CAMKK2: variants seen among roughly 807,000 people sequenced by gnomAD.
CAMKK2 encodes calcium/calmodulin dependent protein kinase kinase 2.
A neutral mutation model predicts 67.2 loss-of-function variants in CAMKK2; 30 were observed. The ratio of observed to expected loss-of-function variants is 0.45; its 90% CI spans 0.33 to 0.61. The LOEUF (loss-of-function observed/expected upper bound fraction) is 0.61. CAMKK2 is among the 20% of genes least tolerant of loss of function. The probability of loss-of-function intolerance (pLI) is 0.02; values close to 1 mark genes in which losing one functional copy is unlikely to be tolerated. For missense variants in CAMKK2, 643 were observed against 802.0 expected (o/e 0.80, Z 2.39); for synonymous variants, 322 against 326.2 (o/e 0.99, Z 0.14).
intron 4 of CAMKK2, among the ~76,000 whole-genome samples, chr12:121,268,954 C>T (rs1895185659): frequency 6.6e-6 from 1 of 152,112 alleles, no homozygotes; most frequent in Non-Finnish European, 1.5e-5. Context: ...GCTGGGAAAC[C>T]ACGAGCCTCA....
intron 7 of CAMKK2, among the ~76,000 whole-genome samples, chr12:121,259,726 A>G (rs900237384): frequency 1.7e-4 from 26 of 152,094 alleles, no homozygotes; most frequent in African/African-American, 6.3e-4. Flanking sequence ...GGTGCTGGTT[A>G]TAGTTTTTCC....
chr12:121,286,576 C>T (rs1192956137), intron 1 of CAMKK2, among the ~76,000 whole-genome samples: 2 of 152,200 alleles, frequency 1.3e-5, no homozygotes, highest in Admixed American at 1.3e-4. Context: ...CAGGGTCTCA[C>T]TCTGTCACCC....
rs1012859115 is a variant in CAMKK2 at position 121,245,676 on chromosome 12, G to A, written c.1453-436C>T. Among the ~76,000 whole-genome samples, 4 of 152,192 alleles carry A rather than the reference G, an allele frequency of 2.6e-5. No individual in the cohort carries two copies. The highest frequency in any genetic ancestry group is 5.9e-5 in the Non-Finnish European group (4 of 68,034). The stretch of plus-strand genomic sequence containing the variant: ...GATGCTCTTGGCTGCCATTTCCCAT[G>A]AAGGGAATGGCCTGAGGGCCCCATA... On this transcript the variant is annotated intron_variant, in intron 14 of 16. Transcript: ENST00000404169. The surrounding 1 kb of genome is among the most constrained non-coding windows in gnomAD (Gnocchi z 5.8).
In CAMKK2 at chr12:121,245,572, G is replaced by A. The variant is rs1889286301; in HGVS notation, c.1453-332C>T. 3.3e-5 allele frequency among the ~76,000 whole-genome samples: 5 copies of A among 152,114 alleles called. No homozygotes were observed. Among genetic ancestry groups the A allele is most frequent in the African/African-American group, 4.8e-5 (2 of 41,436 alleles). On this transcript the variant is annotated intron_variant, in intron 14 of 16. Transcript: ENST00000404169. This position sits in a 1 kb window ranked among gnomAD's most constrained non-coding sequence, Gnocchi z 5.8. ...CCTGACTCAGCATCCCCACCCAGAG[G>A]GGTCTGGAACTTGGCCTGTGGTCAG...
chr12:121,280,841 T>A (rs911391706), intron 1 of CAMKK2, among the ~76,000 whole-genome samples: 4 of 152,190 alleles, frequency 2.6e-5, no homozygotes, highest in Admixed American at 6.6e-5. Context: ...CCTGATAAGA[T>A]GTTATCAATG....
chr12:121,252,290 C>T (rs2668249), intron 11 of CAMKK2, among the ~76,000 whole-genome samples: 32,533 of 152,108 alleles, frequency 0.21, 3,952 homozygotes, highest in Non-Finnish European at 0.28. Context: ...TTTTTTGAGA[C>T]GGAGTCTCGC....
intron 5 of CAMKK2, among the ~76,000 whole-genome samples, chr12:121,265,525 G>A (rs1593383060): frequency 3.3e-5 from 5 of 152,298 alleles, no homozygotes; most frequent in Admixed American, 3.3e-4. Flanking sequence ...TTTGGGAGAA[G>A]AGTAGGTCAC....
At chr12:121,243,645 G>C (rs1888818778) in intron 16 of CAMKK2, 1 of 173,150 alleles carries the variant, frequency 5.8e-6, no homozygotes. Flanking sequence ...TACCTATTCT[G>C]AGTGGTTACT....
rs1898584799 is a variant in CAMKK2, at chr12:121,285,615, C to A, written c.-60+11023G>T. ...CTTGAGCCCAGGAGTTTGAGACCAG[C>A]CTGGGCAACATGGCGAGACCTCATC... On this transcript the variant is annotated intron_variant, in intron 1 of 16. Transcript: ENST00000404169. This position sits in a 1 kb window ranked among gnomAD's most constrained non-coding sequence, Gnocchi z 4.1. Among the ~76,000 whole-genome samples the A allele has an allele frequency of 6.6e-6, 1 of 152,084 alleles. No individual in the cohort carries two copies. The highest frequency in any genetic ancestry group is 1.5e-5 in the Non-Finnish European group (1 of 68,022).
intron 9 of CAMKK2, among the ~76,000 whole-genome samples, chr12:121,254,743 G>A (rs1250689568): frequency 6.6e-6 from 1 of 152,218 alleles, no homozygotes; most frequent in Non-Finnish European, 1.5e-5. Context: ...GCAGGAAGAA[G>A]GGTTTTGGCT....
At chr12:121,252,266 C>G (rs899800356) in intron 11 of CAMKK2, among the ~76,000 whole-genome samples, 2 of 152,134 alleles carry the variant, frequency 1.3e-5, no homozygotes, top group Non-Finnish European at 2.9e-5. Context: ...TAAAATAACT[C>G]TTCTCTTATT....
rs530917021 is a variant in CAMKK2 at position 121,290,861 on chromosome 12, C to T, written c.-60+5777G>A. 7.9e-5 allele frequency among the ~76,000 whole-genome samples: 12 copies of T among 152,320 alleles called. 1 individual carries two copies. In the South Asian group the frequency reaches 2.5e-3, roughly 32 times the overall value. On this transcript the variant is annotated intron_variant, in intron 1 of 16. Coordinates refer to ENST00000404169, the MANE Select transcript of CAMKK2 (RefSeq NM_001270485.2). ...TGACACGGAGTCTCGCTCTGTCACC[C>T]AGGCTGGAGTGCAGTCACACTGACC...
chr12:121,273,556 G>A (rs1050172752), intron 2 of CAMKK2, among the ~76,000 whole-genome samples: 1 of 152,174 alleles, frequency 6.6e-6, no homozygotes, highest in South Asian at 2.1e-4. Flanking sequence ...CAGGCGGGTC[G>A]TCGCCAGGCT....
At position 121,248,816 on chromosome 12, in the gene CAMKK2, A is replaced by G. The variant is rs1274981930; in HGVS notation, c.1324-82T>C. On this transcript the variant is annotated intron_variant, in intron 13 of 16. Transcript: ENST00000404169. ...TGCCAGCGAGCGGAGCCACAAGGGC[A>G]TGCAGGACGGAGAGGCAAGGGCCTG... 2.6e-6 allele frequency: 4 copies of G among 1,547,280 alleles called. No homozygotes were observed. The African/African-American group carries it at 4.1e-5, about 16-fold the overall frequency.
chr12:121,261,534 C>T (rs776421713), intron 6 of CAMKK2, among the ~76,000 whole-genome samples: 8 of 152,196 alleles, frequency 5.3e-5, no homozygotes, highest in Non-Finnish European at 7.4e-5. Context: ...ATCAATAAGA[C>T]AACAGGCCCC....
At chr12:121,243,409 G>A (rs140008909) in intron 16 of CAMKK2, among the ~76,000 whole-genome samples, 2 of 151,938 alleles carry the variant, frequency 1.3e-5, no homozygotes, top group Non-Finnish European at 2.9e-5. Flanking sequence ...GTCTTCATTC[G>A]ATAGCCAAAA....
At chr12:121,275,527 T>C (rs1464536709) in intron 1 of CAMKK2, among the ~76,000 whole-genome samples, 1 of 146,912 alleles carries the variant, frequency 6.8e-6, no homozygotes, top group East Asian at 2.0e-4. Flanking sequence ...GGGAATCAAG[T>C]ATATGCCACA....
At chr12:121,269,454 A>T (rs1895289694) in intron 4 of CAMKK2, 74 bp downstream of exon 4, 1 of 1,204,282 alleles carries the variant, frequency 8.3e-7, no homozygotes, top group Non-Finnish European at 1.2e-6. Context: ...AAAACTTTCC[A>T]GGAAGCTGAG....
chr12:121,274,064 C>T lies in CAMKK2; in HGVS notation c.463G>A (p.Gly155Ser). ...ACCACCGGCTCACGCACCTGCATACCCGTGATGGAGACGTGGTGAGACTCC... is the reference window on the plus strand; with the variant it reads ...ACCACCGGCTCACGCACCTGCATACTCGTGATGGAGACGTGGTGAGACTCC... ...TVESHHVSIT[G>S]MQDCVQLNQY... The change falls in exon 2 of 17, where the codon GGT becomes AGT. Residue 155 changes from glycine (G) to serine (S), a missense_variant. Gly to Ser is a moderately conservative substitution (Grantham distance 56, BLOSUM62 0). Transcript: ENST00000404169. 2.7e-6 allele frequency: 4 copies of T among 1,502,012 alleles called. No individual in the cohort carries two copies. The highest frequency in any genetic ancestry group is 3.6e-6 in the Non-Finnish European group (4 of 1,125,146). The allele number at this position is 1,502,012 out of a possible 1,614,324, so 93.0% of individuals were successfully genotyped here. A position where few individuals can be genotyped will look rare whatever the true frequency, so the allele number is the denominator to read the frequency against.
Sources: gnomAD v4.1 joint callset for allele counts (sites outside exome capture counted in the v4.1 genomes callset) on GRCh38, gnomAD v4.1.1 for gene constraint, Gnocchi (gnomAD v3.1) non-coding constraint, MANE v1.5 for transcripts, NCBI Gene and HGNC (gene_info 2026-07-23, HGNC 2026-07-21) for gene names.